Variants in RAB31 observed in about 807,000 individuals in gnomAD.
RAB31 encodes the protein ras-related protein Rab-31.
A neutral mutation model predicts 25.6 loss-of-function variants in RAB31; 21 were observed. That is an observed-to-expected ratio of 0.82 (90% confidence interval 0.58 to 1.18). The LOEUF (loss-of-function observed/expected upper bound fraction) is 1.18. RAB31 is among the 50% of genes most tolerant of loss of function. RAB31 has a pLI of 0.00. For missense variants in RAB31, 196 were observed against 250.1 expected (o/e 0.78, Z 1.46); for synonymous variants, 87 against 84.0 (o/e 1.04, Z -0.20).
chr18:9,796,203 T>TA (rs1031740387), intron 3 of RAB31, among the ~76,000 whole-genome samples: 30 of 152,086 alleles, frequency 2.0e-4, no homozygotes, highest in South Asian at 4.2e-4. Context: ...ATAAGAATGA[T>TA]ACAATGGACT....
At chr18:9,817,584 A>G (rs2284141) in intron 5 of RAB31, among the ~76,000 whole-genome samples, 12,726 of 152,106 alleles carry the variant, frequency 0.084, 762 homozygotes, top group East Asian at 0.31. Flanking sequence ...GTACGAGATG[A>G]TATTTCCCAA....
chr18:9,820,523 G>A (rs1365100819), intron 5 of RAB31, among the ~76,000 whole-genome samples: 2 of 152,028 alleles, frequency 1.3e-5, no homozygotes, highest in African/African-American at 4.8e-5. Flanking sequence ...TGCAGAATGA[G>A]TTGATAAGTT....
intron 1 of RAB31, among the ~76,000 whole-genome samples, chr18:9,750,977 G>A (rs576158021): frequency 1.3e-5 from 2 of 152,208 alleles, no homozygotes; most frequent in African/African-American, 4.8e-5. Flanking sequence ...CCTGGAACGA[G>A]GCATCATCTT....
chr18:9,758,870 G>A (rs750483965), intron 1 of RAB31, among the ~76,000 whole-genome samples: 4 of 152,104 alleles, frequency 2.6e-5, no homozygotes, highest in Non-Finnish European at 5.9e-5. Flanking sequence ...CGAGGCCTTT[G>A]CTCTGAAAGT....
At position 9,741,279 on chromosome 18, in the gene RAB31, G is replaced by A. The variant is rs558836781; in HGVS notation, c.39+32835G>A. ...TAATCCCAGCTACTAGGGAGGCTGA[G>A]GCAGGAGAATTGCTTGAACCTGGTG... On this transcript the variant is annotated intron_variant, in intron 1 of 6. Coordinates refer to ENST00000578921, the MANE Select transcript of RAB31 (RefSeq NM_006868.4). 2.6e-5 allele frequency among the ~76,000 whole-genome samples: 4 copies of A among 151,044 alleles called. No individual in the cohort carries two copies. In the East Asian group the frequency reaches 7.8e-4, roughly 29 times the overall value.
chr18:9,798,213 T>G (rs1203256663), intron 3 of RAB31, among the ~76,000 whole-genome samples: 1 of 152,252 alleles, frequency 6.6e-6, no homozygotes, highest in Non-Finnish European at 1.5e-5. Context: ...GTGGAGAGTG[T>G]GTGACTGATA....
At chr18:9,765,825 C>T (rs930508282) in intron 1 of RAB31, among the ~76,000 whole-genome samples, 1 of 152,032 alleles carries the variant, frequency 6.6e-6, no homozygotes, top group Non-Finnish European at 1.5e-5. Flanking sequence ...TTTTAACCTC[C>T]AGTCTTTGGT....
At chr18:9,773,703 AGGCT>A (rs953471066) in intron 1 of RAB31, among the ~76,000 whole-genome samples, 1 of 152,198 alleles carries the variant, frequency 6.6e-6, no homozygotes, top group Non-Finnish European at 1.5e-5. Context: ...TCTGTCACCC[AGGCT>A]GAGTGCAGTG....
chr18:9,740,140 C>A (rs909107392), intron 1 of RAB31, among the ~76,000 whole-genome samples: 2 of 152,200 alleles, frequency 1.3e-5, no homozygotes, highest in Non-Finnish European at 2.9e-5. Flanking sequence ...GGCTGTTGAG[C>A]CTCTCTGACA....
intron 1 of RAB31, among the ~76,000 whole-genome samples, chr18:9,742,651 AT>A (rs1413565054): frequency 6.6e-6 from 1 of 152,204 alleles, no homozygotes; most frequent in African/African-American, 2.4e-5. Flanking sequence ...GGGCTGTCTG[AT>A]TGCTGGCTCA....
At chr18:9,853,499 G>A (rs1192200413) in intron 6 of RAB31, among the ~76,000 whole-genome samples, 2 of 152,220 alleles carry the variant, frequency 1.3e-5, no homozygotes, top group Non-Finnish European at 1.5e-5. Context: ...TGGAGTCAGT[G>A]AAAAGATCAG....
chr18:9,728,023 A>G (rs1016014193), intron 1 of RAB31, among the ~76,000 whole-genome samples: 4 of 152,352 alleles, frequency 2.6e-5, no homozygotes, highest in African/African-American at 7.2e-5. Context: ...AAAGAATAAA[A>G]AAGGTACACA....
chr18:9,799,879 G>A (rs2143045425), intron 3 of RAB31, among the ~76,000 whole-genome samples: 1 of 152,332 alleles, frequency 6.6e-6, no homozygotes, highest in South Asian at 2.1e-4. Context: ...GTACCACCAA[G>A]GACTATGAAG....
At chr18:9,790,811 A>G (rs934829359) in intron 2 of RAB31, among the ~76,000 whole-genome samples, 2 of 152,196 alleles carry the variant, frequency 1.3e-5, no homozygotes, top group African/African-American at 4.8e-5. Context: ...TGATGTATCT[A>G]CTTCTTATTC....
chr18:9,810,470 A>G (rs1281647822), intron 3 of RAB31, among the ~76,000 whole-genome samples: 1 of 152,184 alleles, frequency 6.6e-6, no homozygotes, highest in Admixed American at 6.5e-5. Flanking sequence ...CACCAAGATC[A>G]CCCTTTGGTC....
At chr18:9,765,144 G>C (rs1156779387) in intron 1 of RAB31, among the ~76,000 whole-genome samples, 3 of 152,076 alleles carry the variant, frequency 2.0e-5, no homozygotes, top group African/African-American at 4.8e-5. Flanking sequence ...GTAGAGACAG[G>C]GTTTTGCCAT....
chr18:9,853,140 AT>A (rs2068797607), intron 6 of RAB31, among the ~76,000 whole-genome samples: 1 of 151,998 alleles, frequency 6.6e-6, no homozygotes, highest in Admixed American at 6.6e-5. Context: ...TTTATCAGAT[AT>A]TTGTTTTTCA....
At chr18:9,827,533 G>GCACTC (rs1402642955) in intron 5 of RAB31, among the ~76,000 whole-genome samples, 3 of 151,344 alleles carry the variant, frequency 2.0e-5, no homozygotes, top group Admixed American at 1.3e-4. Flanking sequence ...CTGTTCTCAT[G>GCACTC]CACTCTCGCC....
At chr18:9,769,342 C>T (rs1486465990) in intron 1 of RAB31, among the ~76,000 whole-genome samples, 1 of 152,156 alleles carries the variant, frequency 6.6e-6, no homozygotes. Flanking sequence ...GAATGTTCTT[C>T]CATTTGTATG....
Sources: allele counts gnomAD v4.1 joint callset (sites outside exome capture counted in the v4.1 genomes callset), GRCh38; gene constraint gnomAD v4.1.1; transcripts MANE v1.5; gene names NCBI Gene and HGNC (gene_info 2026-07-23, HGNC 2026-07-21).